RBFOX1: variants seen among roughly 807,000 people sequenced by gnomAD.
RBFOX1 encodes the protein RNA binding protein fox-1 homolog 1.
RBFOX1 carries 8 observed loss-of-function variants against 57.7 expected under a neutral mutation model. The observed-to-expected ratio is 0.14, with a 90% CI of 0.08 to 0.25. RBFOX1 has a LOEUF of 0.25. Ranked by LOEUF, RBFOX1 falls within the 10% of genes least tolerant of loss-of-function variation. RBFOX1 has a pLI of 1.00. For missense variants in RBFOX1, 611 were observed against 548.5 expected, an observed-to-expected ratio of 1.11 and a Z score of -1.14; for synonymous variants, 326 against 222.4, an observed-to-expected ratio of 1.47 and a Z score of -4.15.
chr16:6,495,596 C>T lies in RBFOX1; in HGVS notation c.-63-159007C>T, dbSNP rs116682455. Reference sequence around the variant, plus strand: ...TATAGAATAATCAGCTAGCTGACTTCATCAGCCCTTAGCTCACAGCTCTGC... The same window carrying T: ...TATAGAATAATCAGCTAGCTGACTTTATCAGCCCTTAGCTCACAGCTCTGC... On this transcript the variant is annotated intron_variant, in intron 2 of 15. Transcript: ENST00000550418. Among the ~76,000 whole-genome samples the T allele has an allele frequency of 2.3e-3, 350 of 152,348 alleles. 3 individuals are homozygous for T. Among genetic ancestry groups the T allele is most frequent in the African/African-American group, 7.6e-3 (316 of 41,584 alleles).
At chr16:7,498,147 A>G (rs567665880) in intron 4 of RBFOX1, among the ~76,000 whole-genome samples, 2 of 152,300 alleles carry the variant, frequency 1.3e-5, no homozygotes, top group South Asian at 4.1e-4. Context: ...GGTAAAATGA[A>G]GAATAACAAA....
At chr16:6,532,649 C>A (rs1048488981) in intron 2 of RBFOX1, among the ~76,000 whole-genome samples, 1 of 152,148 alleles carries the variant, frequency 6.6e-6, no homozygotes. Context: ...GAGATTTCTT[C>A]CTGCACATGC....
At chr16:7,401,400 A>G (rs966577722) in intron 4 of RBFOX1, among the ~76,000 whole-genome samples, 20 of 152,230 alleles carry the variant, frequency 1.3e-4, no homozygotes, top group Non-Finnish European at 2.1e-4. Context: ...TTCAACTTCA[A>G]CATAAAATAA....
chr16:5,862,058 C>G (rs574697866), intron 3 of RBFOX1, among the ~76,000 whole-genome samples: 5 of 152,264 alleles, frequency 3.3e-5, no homozygotes, highest in Admixed American at 1.3e-4. Context: ...CCTTACAGCT[C>G]AAAAACCTCC....
intron 4 of RBFOX1, among the ~76,000 whole-genome samples, chr16:7,201,333 C>A (rs2088379517): frequency 6.6e-6 from 1 of 152,120 alleles, no homozygotes; most frequent in South Asian, 2.1e-4. Context: ...GTGAAGGAAA[C>A]AGGAGAGATC....
chr16:6,000,713 A>T (rs2060583734), intron 4 of RBFOX1, among the ~76,000 whole-genome samples: 1 of 150,390 alleles, frequency 6.6e-6, no homozygotes, highest in African/African-American at 2.5e-5. Context: ...GGGTTGGTGG[A>T]TGGGTAGATG....
chr16:6,058,641 CCCATCCATCCACCCAT>C (rs1022886523), intron 1 of RBFOX1, among the ~76,000 whole-genome samples: 1 of 147,714 alleles, frequency 6.8e-6, no homozygotes, highest in African/African-American at 2.5e-5. Flanking sequence ...CACCCATCCA[CCCATCCATCCACCCAT>C]CCATCCATCC....
At chr16:7,465,212 A>C (rs565936884) in intron 4 of RBFOX1, among the ~76,000 whole-genome samples, 1 of 152,166 alleles carries the variant, frequency 6.6e-6, no homozygotes, top group Non-Finnish European at 1.5e-5. Context: ...CTTGTCAGCA[A>C]ACTCTCAGCT....
intron 3 of RBFOX1, among the ~76,000 whole-genome samples, chr16:5,854,488 C>T (rs1462313219): frequency 6.6e-6 from 1 of 152,056 alleles, no homozygotes; most frequent in African/African-American, 2.4e-5. Context: ...CAGCTTCCTC[C>T]ATGTTGTTGC....
intron 2 of RBFOX1, among the ~76,000 whole-genome samples, chr16:5,481,437 T>G (rs929242534): frequency 6.6e-6 from 1 of 152,222 alleles, no homozygotes; most frequent in African/African-American, 2.4e-5. Flanking sequence ...CCAGTGTATT[T>G]TCAGTGTCAG....
In RBFOX1 at chr16:7,612,606, T is replaced by TA. The variant is rs935390651; in HGVS notation, c.676+5275dup. ...TGTGAGAATTTCCCTTGTCTTCTAA[T>TA]AAAAAAATATATATATATATTTTTA... On this transcript the variant is annotated intron_variant, in intron 10 of 15. Coordinates refer to ENST00000550418, the MANE Select transcript of RBFOX1 (RefSeq NM_018723.4). 1.8e-3 allele frequency among the ~76,000 whole-genome samples: 271 copies of TA among 151,402 alleles called. 3 individuals are homozygous for TA. The highest frequency in any genetic ancestry group is 6.0e-3 in the African/African-American group (250 of 41,348).
chr16:6,205,853 C>G (rs952855403), intron 1 of RBFOX1, among the ~76,000 whole-genome samples: 9 of 126,656 alleles, frequency 7.1e-5, no homozygotes, highest in Non-Finnish European at 1.1e-4. Context: ...CAAGAGCCTA[C>G]GAGATCATAC....
At chr16:7,589,406 G>A (rs774741393) in intron 7 of RBFOX1, among the ~76,000 whole-genome samples, 1 of 152,138 alleles carries the variant, frequency 6.6e-6, no homozygotes, top group East Asian at 1.9e-4. Flanking sequence ...GACATCTTCC[G>A]TCATTCCCAT....
At chr16:5,652,696 A>G (rs1474747021) in intron 3 of RBFOX1, among the ~76,000 whole-genome samples, 8 of 152,202 alleles carry the variant, frequency 5.3e-5, no homozygotes, top group Non-Finnish European at 2.9e-5. Flanking sequence ...TAAAGGGTAT[A>G]AATGTGCCTT....
At chr16:5,283,672 C>T (rs1257344532) in intron 1 of RBFOX1, among the ~76,000 whole-genome samples, 1 of 152,072 alleles carries the variant, frequency 6.6e-6, no homozygotes, top group African/African-American at 2.4e-5. Context: ...GCCTGTAGCC[C>T]CTTTGTTTTG....
intron 3 of RBFOX1, among the ~76,000 whole-genome samples, chr16:6,994,224 A>G (rs1418094181): frequency 6.6e-6 from 1 of 152,046 alleles, no homozygotes; most frequent in Non-Finnish European, 1.5e-5. Context: ...CTGCAGTAGT[A>G]CTCTAAGGTT....
At chr16:5,870,635 T>C (rs186518892) in intron 4 of RBFOX1, among the ~76,000 whole-genome samples, 412 of 152,186 alleles carry the variant, frequency 2.7e-3, no homozygotes, top group African/African-American at 9.5e-3. Flanking sequence ...TTTTTTTCCT[T>C]ACCATTTTTC....
At chr16:7,637,716 C>G (rs2062004028) in intron 11 of RBFOX1, among the ~76,000 whole-genome samples, 1 of 152,182 alleles carries the variant, frequency 6.6e-6, no homozygotes, top group Non-Finnish European at 1.5e-5. Context: ...TTGCCAGTGT[C>G]TGACAGCTTC....
In RBFOX1 at chr16:6,203,615, A is replaced by G. The variant is rs529152390; in HGVS notation, c.-126-113380A>G. ...AGATACATACCATCATGGGAATGCA[A>G]TCAAAACCACAACAGGAGGTCACCG... is the stretch of plus-strand genomic sequence containing the variant. On this transcript the variant is annotated intron_variant, in intron 1 of 15. Transcript: ENST00000550418. Among the ~76,000 whole-genome samples the G allele has an allele frequency of 7.2e-5, 11 of 152,268 alleles. No homozygotes were observed. In the South Asian group the frequency reaches 2.1e-3, roughly 29 times the overall value.
Sources: allele counts gnomAD v4.1 joint callset (sites outside exome capture counted in the v4.1 genomes callset), GRCh38; gene constraint gnomAD v4.1.1; transcripts MANE v1.5; gene names NCBI Gene and HGNC (gene_info 2026-07-23, HGNC 2026-07-21).